BCL11A: variants seen among roughly 807,000 people sequenced by gnomAD.
The protein encoded by BCL11A is B cell CLL/lymphoma 11A.
BCL11A carries 2 observed loss-of-function variants against 55.9 expected under a neutral mutation model. The observed-to-expected ratio is 0.04, with a 90% CI of 0.01 to 0.11. The LOEUF (loss-of-function observed/expected upper bound fraction) is 0.11. BCL11A is among the 10% of genes least tolerant of loss of function. The probability of loss-of-function intolerance (pLI) is 1.00; values close to 1 mark genes in which losing one functional copy is unlikely to be tolerated. For missense variants in BCL11A, 817 were observed against 1,137.1 expected (o/e 0.72, Z 4.05); for synonymous variants, 465 against 473.4 (o/e 0.98, Z 0.23).
intron 2 of BCL11A, among the ~76,000 whole-genome samples, chr2:60,514,471 A>C (rs1051422611): frequency 2.0e-5 from 3 of 149,836 alleles, no homozygotes; most frequent in African/African-American, 5.0e-5. Context: ...AGCCTAGCCA[A>C]CATGGTGAAA....
intron 2 of BCL11A, among the ~76,000 whole-genome samples, chr2:60,506,960 T>C (rs1343418281): frequency 6.6e-6 from 1 of 152,100 alleles, no homozygotes; most frequent in East Asian, 1.9e-4. Context: ...GTAAGGCATG[T>C]GATGAACAGA....
At chr2:60,522,073 C>CGG (rs1350921037) in intron 2 of BCL11A, 1 of 152,242 alleles carries the variant, frequency 6.6e-6, no homozygotes, top group Non-Finnish European at 1.5e-5. Flanking sequence ...ACCGACTAAA[C>CGG]AAGGCCATAC....
At chr2:60,518,315 T>C (rs1668825372) in intron 2 of BCL11A, among the ~76,000 whole-genome samples, 1 of 152,208 alleles carries the variant, frequency 6.6e-6, no homozygotes, top group African/African-American at 2.4e-5. Context: ...AGTCACAGGA[T>C]TAGACCTACC....
In BCL11A at chr2:60,460,965, C is replaced by T; in HGVS notation, c.1947G>A (p.Met649Ile). ...EKEFDLPPAA[M>I]PNTENVYSQW... ...GCGAGTACACGTTCTCCGTGTTGGG[C>T]ATCGCGGCCGGGGGCAGGTCGAACT... Residue 649 changes from methionine to isoleucine, a missense_variant, in exon 4 of 4, where the codon ATG becomes ATA. This residue lies in a region of BCL11A where 379 missense variants were observed against 425.3 expected (regional missense o/e 0.89). Coordinates refer to ENST00000642384, the MANE Select transcript of BCL11A (RefSeq NM_022893.4). 6.2e-7 allele frequency: 1 copy of T among 1,611,208 alleles called. No homozygotes were observed. Among genetic ancestry groups the T allele is most frequent in the Non-Finnish European group, 8.5e-7 (1 of 1,178,624 alleles).
chr2:60,463,329 T>C (rs562214025), intron 3 of BCL11A, among the ~76,000 whole-genome samples: 1 of 152,230 alleles, frequency 6.6e-6, no homozygotes, highest in Admixed American at 6.5e-5. Context: ...TAAGGAACAG[T>C]TAAAACAGCC....
At chr2:60,464,072 C>G (rs915717204) in intron 3 of BCL11A, among the ~76,000 whole-genome samples, 1 of 152,190 alleles carries the variant, frequency 6.6e-6, no homozygotes, top group Non-Finnish European at 1.5e-5. Context: ...AAGCCAGCCT[C>G]GCTCAAGCAC....
intron 2 of BCL11A, chr2:60,533,146 G>C (rs956021252): frequency 6.6e-6 from 1 of 152,146 alleles, no homozygotes; most frequent in African/African-American, 2.4e-5. Context: ...GCTCCTCCAT[G>C]CTCACGTTTT....
downstream of BCL11A, chr2:60,452,578 G>A (rs1454554196): frequency 1.9e-6 from 3 of 1,613,172 alleles, no homozygotes; most frequent in South Asian, 2.2e-5. Context: ...AATTTTCTCA[G>A]AACTTAAGGG....
intron 2 of BCL11A, among the ~76,000 whole-genome samples, chr2:60,485,493 AC>A (rs1678225872): frequency 6.6e-6 from 1 of 152,184 alleles, no homozygotes; most frequent in African/African-American, 2.4e-5. Flanking sequence ...GCCAGGGCAG[AC>A]CCCATACTCT....
At chr2:60,535,928 CCTTTGCTTGAATGCTAA>C (rs1669649770) in intron 2 of BCL11A, 1 of 152,172 alleles carries the variant, frequency 6.6e-6, no homozygotes, top group Admixed American at 6.5e-5. Flanking sequence ...GGAGAAGAAT[CCTTTGCTTGAATGCTAA>C]CTCACACCTT....
chr2:60,508,730 G>C (rs906400738), intron 2 of BCL11A: 1 of 152,314 alleles, frequency 6.6e-6, no homozygotes, highest in Admixed American at 6.5e-5. Context: ...GGAATAGCTG[G>C]AGGCCTGTGC....
intron 2 of BCL11A, among the ~76,000 whole-genome samples, chr2:60,541,001 G>C (rs548213564): frequency 7.3e-5 from 10 of 137,204 alleles, no homozygotes; most frequent in African/African-American, 2.7e-4. Flanking sequence ...TGGTTATTTT[G>C]TTTTTTTGTT....
rs1211602201 is a variant in BCL11A at position 60,467,129 on chromosome 2, ATGG to A, written c.487+1600_487+1602del. 1.4e-4 allele frequency among the ~76,000 whole-genome samples: 10 copies of A among 70,782 alleles called. No individual in the cohort carries two copies. In the South Asian group the frequency reaches 2.3e-3, roughly 16 times the overall value. The allele number at this position is 70,782 out of a possible 152,430, so 46.4% of individuals were successfully genotyped here. A position where few individuals can be genotyped will look rare whatever the true frequency, so the allele number is the denominator to read the frequency against. On this transcript the variant is annotated intron_variant, in intron 3 of 3. Coordinates refer to ENST00000642384, the MANE Select transcript of BCL11A (RefSeq NM_022893.4). ...GGTGGTAGTGGTGGTGGTGGTGGTG[ATGG>A]TGGTGTTGGTGGTGATGGTGGTGGT...
intron 2 of BCL11A, among the ~76,000 whole-genome samples, chr2:60,473,578 C>T (rs538489256): frequency 1.6e-3 from 246 of 152,334 alleles, no homozygotes; most frequent in Non-Finnish European, 2.7e-3. Context: ...ACACAAATAA[C>T]AACAGTGCAG....
intron 2 of BCL11A, among the ~76,000 whole-genome samples, chr2:60,541,000 TG>T (rs1455078970): frequency 4.8e-5 from 7 of 144,620 alleles, no homozygotes; most frequent in Non-Finnish European, 6.1e-5. Context: ...GTGGTTATTT[TG>T]TTTTTTTGTT....
At position 60,457,959 on chromosome 2, in the gene BCL11A, T is replaced by A; in HGVS notation, c.*2445A>T. 1 of 1,039,644 alleles carries A rather than the reference T, an allele frequency of 9.6e-7. No homozygotes were observed. The highest frequency in any genetic ancestry group is 1.2e-6 in the Non-Finnish European group (1 of 862,982). 64.4% of individuals were successfully genotyped at this position (1,039,644 alleles called of 1,614,324 possible). A position where few individuals can be genotyped will look rare whatever the true frequency, so the allele number is the denominator to read the frequency against. ...ACACTTTTTTGTTTCTCTCTTTTTT[T>A]TTTTTTTGAAGCATACAAATAATTT... On this transcript the variant is annotated 3_prime_UTR_variant, in exon 4 of 4. Coordinates refer to ENST00000642384, the MANE Select transcript of BCL11A (RefSeq NM_022893.4).
chr2:60,545,811 G>A (rs569594395), intron 2 of BCL11A, 160 bp downstream of exon 2: 11 of 661,640 alleles, frequency 1.7e-5, no homozygotes, highest in South Asian at 7.5e-5. Flanking sequence ...TGTTCTGGAC[G>A]TAAGCAACAG....
intron 2 of BCL11A, among the ~76,000 whole-genome samples, chr2:60,470,741 G>A (rs1205521587): frequency 6.6e-6 from 1 of 152,214 alleles, no homozygotes; most frequent in Non-Finnish European, 1.5e-5. Flanking sequence ...GATCTCTACA[G>A]TGTCTGGCCG....
At chr2:60,491,257 T>C (rs1276244331) in intron 2 of BCL11A, among the ~76,000 whole-genome samples, 1 of 152,252 alleles carries the variant, frequency 6.6e-6, no homozygotes, top group Admixed American at 6.5e-5. Flanking sequence ...GTATTCTTAA[T>C]GCTGTTTTAA....
Sources: allele counts gnomAD v4.1 joint callset (sites outside exome capture counted in the v4.1 genomes callset), GRCh38; gene constraint gnomAD v4.1.1; regional missense constraint gnomAD v4.1.1; transcripts MANE v1.5; gene names NCBI Gene and HGNC (gene_info 2026-07-23, HGNC 2026-07-21).